The following SUMF1 variants were observed in gnomAD, a reference collection of about 807,000 sequenced individuals.
SUMF1 encodes the protein formylglycine-generating enzyme.
SUMF1 carries 48 observed loss-of-function variants against 47.6 expected under a neutral mutation model. The observed-to-expected ratio is 1.01, with a 90% CI of 0.80 to 1.28. SUMF1 has a LOEUF of 1.28. SUMF1 is among the 50% of genes most tolerant of loss of function. SUMF1 has a pLI of 0.00. For synonymous variants in SUMF1, 230 were observed against 192.1 expected, an observed-to-expected ratio of 1.20 and a Z score of -1.63; for missense variants, 571 against 485.4, an observed-to-expected ratio of 1.18 and a Z score of -1.66.
At chr3:4,456,874 C>CACGTGTATATATA (rs1559312802) in intron 1 of SUMF1, among the ~76,000 whole-genome samples, 1 of 18,314 alleles carries the variant, frequency 5.5e-5, no homozygotes, top group African/African-American at 2.1e-4. Context: ...GTGTGTATAT[C>CACGTGTATATATA]TATATGTGTG....
chr3:4,147,204 T>C (rs923670241), intron 8 of SUMF1, among the ~76,000 whole-genome samples: 2 of 152,144 alleles, frequency 1.3e-5, no homozygotes, highest in Non-Finnish European at 2.9e-5. Flanking sequence ...GGAACACTTT[T>C]ACACTGTTGG....
intron 8 of SUMF1, among the ~76,000 whole-genome samples, chr3:4,367,643 GA>G (rs1214341446): frequency 6.6e-6 from 1 of 152,092 alleles, no homozygotes; most frequent in Non-Finnish European, 1.5e-5. Context: ...CAGAGATATA[GA>G]TCAATGGAAC....
chr3:4,374,195 G>A (rs1700255269), intron 8 of SUMF1, among the ~76,000 whole-genome samples: 1 of 152,080 alleles, frequency 6.6e-6, no homozygotes, highest in Admixed American at 6.6e-5. Flanking sequence ...ATGACATACA[G>A]CAAGAAAAAG....
At chr3:4,456,991 CGT>C (rs1279296525) in intron 1 of SUMF1, among the ~76,000 whole-genome samples, 8 of 52,022 alleles carry the variant, frequency 1.5e-4, no homozygotes, top group African/African-American at 5.4e-4. Context: ...TATATATATA[CGT>C]GTGTGTATAT....
intron 6 of SUMF1, among the ~76,000 whole-genome samples, chr3:4,416,346 G>T (rs1258650845): frequency 6.6e-6 from 1 of 152,020 alleles, no homozygotes; most frequent in African/African-American, 2.4e-5. Flanking sequence ...AATACATTGG[G>T]GTTTATTTAT....
chr3:4,270,788 T>C (rs1697287395), intron 8 of SUMF1, among the ~76,000 whole-genome samples: 1 of 152,186 alleles, frequency 6.6e-6, no homozygotes, highest in Non-Finnish European at 1.5e-5. Context: ...ATATTGATAT[T>C]AACAAAGATG....
chr3:4,110,360 A>G (rs1693267834), intron 8 of SUMF1, among the ~76,000 whole-genome samples: 1 of 152,084 alleles, frequency 6.6e-6, no homozygotes, highest in African/African-American at 2.4e-5. Flanking sequence ...TAGTTAGGCT[A>G]CTTGGGGGTC....
rs185678177 is a variant in SUMF1, at chr3:4,157,430, T to C, written c.1015-88685A>G. 6.3e-4 allele frequency among the ~76,000 whole-genome samples: 96 copies of C among 151,766 alleles called. 1 individual carries two copies. Among genetic ancestry groups the C allele is most frequent in the Non-Finnish European group, 1.9e-4 (13 of 67,990 alleles). ...ATTTATCAACATTACAGGTATTTTA[T>C]TCTGTTCCATTTCATGTAGAAAGTG... On this transcript the variant is annotated intron_variant and NMD_transcript_variant, in intron 8 of 12. Transcript: ENST00000448413.
intron 8 of SUMF1, among the ~76,000 whole-genome samples, chr3:4,301,473 G>A (rs148518504): frequency 2.4e-4 from 36 of 152,300 alleles, no homozygotes; most frequent in Non-Finnish European, 3.7e-4. Flanking sequence ...TTGTAGCAGC[G>A]GCAGTAAGGG....
chr3:4,296,982 T>C (rs1697865768), intron 8 of SUMF1, among the ~76,000 whole-genome samples: 1 of 152,210 alleles, frequency 6.6e-6, no homozygotes, highest in South Asian at 2.1e-4. Flanking sequence ...TCATCTGCTT[T>C]ATTTTTCTCT....
Position 4,424,759 on chromosome 3 carries a change from T to C in SUMF1, c.520-4613A>G, listed in dbSNP as rs1001697899. On this transcript the variant is annotated intron_variant, in intron 3 of 8. Coordinates refer to ENST00000272902, the MANE Select transcript of SUMF1 (RefSeq NM_182760.4). ...ATTCCGTTTCTATAAAATGTATGCA[T>C]AACAATGTTTGTTAGTATCATCAGG... 3.9e-5 allele frequency among the ~76,000 whole-genome samples: 6 copies of C among 152,242 alleles called. No homozygotes were observed. In the East Asian group the frequency reaches 1.2e-3, roughly 29 times the overall value.
At chr3:4,298,110 T>C (rs1697890366) in intron 8 of SUMF1, among the ~76,000 whole-genome samples, 1 of 152,222 alleles carries the variant, frequency 6.6e-6, no homozygotes, top group Non-Finnish European at 1.5e-5. Context: ...GAAATCTGAA[T>C]AATCAATGCA....
intron 8 of SUMF1, among the ~76,000 whole-genome samples, chr3:4,215,554 G>A (rs1196680873): frequency 6.6e-6 from 1 of 152,138 alleles, no homozygotes; most frequent in Admixed American, 6.6e-5. Context: ...GGGCAATCAG[G>A]CAAGAGAAAG....
chr3:4,088,027 G>A (rs1446287408), intron 8 of SUMF1, among the ~76,000 whole-genome samples: 2 of 152,028 alleles, frequency 1.3e-5, no homozygotes, highest in Admixed American at 6.6e-5. Flanking sequence ...TTTTTCCTAA[G>A]CAGAAGTATG....
At chr3:4,387,036 G>A (rs989256726) in intron 7 of SUMF1, among the ~76,000 whole-genome samples, 1 of 151,870 alleles carries the variant, frequency 6.6e-6, no homozygotes, top group Non-Finnish European at 1.5e-5. Flanking sequence ...CTATTTATGA[G>A]GGATGTTCAC....
chr3:4,228,053 C>T (rs1250210332), intron 8 of SUMF1, among the ~76,000 whole-genome samples: 6 of 151,828 alleles, frequency 4.0e-5, no homozygotes, highest in Admixed American at 1.3e-4. Flanking sequence ...GAAAGAGTTT[C>T]CTGCAGGAAC....
chr3:4,187,883 C>G (rs1695235058), intron 8 of SUMF1, among the ~76,000 whole-genome samples: 1 of 152,102 alleles, frequency 6.6e-6, no homozygotes, highest in African/African-American at 2.4e-5. Context: ...GACCATACAC[C>G]CGGACCTTAA....
At chr3:4,292,849 G>A (rs574580459) in intron 8 of SUMF1, among the ~76,000 whole-genome samples, 3 of 152,220 alleles carry the variant, frequency 2.0e-5, no homozygotes, top group African/African-American at 7.2e-5. Context: ...GATGAAAAAA[G>A]ACACACATAT....
intron 7 of SUMF1, among the ~76,000 whole-genome samples, chr3:4,391,550 C>G (rs1344849063): frequency 6.6e-6 from 1 of 152,196 alleles, no homozygotes; most frequent in East Asian, 1.9e-4. Context: ...TTGCCATGAT[C>G]TGGCTCACTG....
Sources: allele counts gnomAD v4.1 joint callset (sites outside exome capture counted in the v4.1 genomes callset), GRCh38; gene constraint gnomAD v4.1.1; transcripts MANE v1.5; gene names NCBI Gene and HGNC (gene_info 2026-07-23, HGNC 2026-07-21).